Variants in SSBP2 observed in about 807,000 individuals in gnomAD.
SSBP2 encodes the protein single stranded DNA binding protein 2, also known as single-stranded DNA-binding protein 2.
In SSBP2, 17 loss-of-function variants were observed where a neutral mutation model predicts 61.8. The observed-to-expected ratio is 0.28, with a 90% CI of 0.19 to 0.41. The LOEUF (loss-of-function observed/expected upper bound fraction) is 0.41. SSBP2 is among the 10% of genes least tolerant of loss of function. The probability of loss-of-function intolerance (pLI) is 1.00; values close to 1 mark genes in which losing one functional copy is unlikely to be tolerated. For synonymous variants in SSBP2, 139 were observed against 141.3 expected (o/e 0.98, Z 0.12); for missense variants, 310 against 458.7 (o/e 0.68, Z 2.96).
intron 5 of SSBP2, among the ~76,000 whole-genome samples, chr5:81,509,653 CAT>C (rs1245458815): frequency 6.6e-6 from 1 of 152,008 alleles, no homozygotes; most frequent in Non-Finnish European, 1.5e-5. Flanking sequence ...TATAGGGAGA[CAT>C]ATTTAAATGT....
chr5:81,493,199 TA>T (rs1766993060), intron 5 of SSBP2, among the ~76,000 whole-genome samples: 2 of 151,654 alleles, frequency 1.3e-5, no homozygotes, highest in African/African-American at 2.4e-5. Context: ...CATATATATA[TA>T]TTCAAAAACA....
chr5:81,657,725 G>A (rs770344752), intron 1 of SSBP2, among the ~76,000 whole-genome samples: 18 of 152,106 alleles, frequency 1.2e-4, no homozygotes, highest in Admixed American at 5.2e-4. Context: ...AAACTTTGTG[G>A]CACTCTAAAC....
intron 1 of SSBP2, among the ~76,000 whole-genome samples, chr5:81,664,600 C>T (rs907937189): frequency 5.9e-5 from 9 of 152,136 alleles, no homozygotes; most frequent in African/African-American, 1.9e-4. Flanking sequence ...CCTTAGATAC[C>T]TATCTTAGCA....
At chr5:81,540,313 G>A (rs770580072) in intron 4 of SSBP2, among the ~76,000 whole-genome samples, 1 of 152,136 alleles carries the variant, frequency 6.6e-6, no homozygotes, top group African/African-American at 2.4e-5. Context: ...TTGAGGAATC[G>A]CCACACTGTC....
chr5:81,541,791 A>C (rs987693815), intron 4 of SSBP2, among the ~76,000 whole-genome samples: 1 of 152,250 alleles, frequency 6.6e-6, no homozygotes, highest in Admixed American at 6.5e-5. Context: ...TATAGGTTTC[A>C]ATGTAAAACC....
chr5:81,416,235 A>AT lies in SSBP2; in HGVS notation c.*4268dup, dbSNP rs1271242829. ...TCTCAAAAAAAAAAAAGAAAAAAAA[A>AT]TTTAAAAAAAAGGAAAACCAGTGTC... On this transcript the variant is annotated 3_prime_UTR_variant, in exon 17 of 17. Transcript: ENST00000320672. The AT allele has an allele frequency of 7.3e-5, 11 of 150,046 alleles. No homozygotes were observed. Among genetic ancestry groups the AT allele is most frequent in the Middle Eastern group, 3.4e-3 (1 of 290 alleles). The allele number at this position is 150,046 out of a possible 1,614,324, so 9.3% of individuals were successfully genotyped here.
At chr5:81,649,926 T>C (rs934223884) in intron 2 of SSBP2, among the ~76,000 whole-genome samples, 2 of 152,136 alleles carry the variant, frequency 1.3e-5, no homozygotes, top group African/African-American at 4.8e-5. Context: ...AATTATGATA[T>C]TGTTCGAGTG....
At chr5:81,517,367 C>A (rs1463556948) in intron 4 of SSBP2, among the ~76,000 whole-genome samples, 1 of 146,060 alleles carries the variant, frequency 6.8e-6, no homozygotes, top group African/African-American at 2.6e-5. Flanking sequence ...TCCTAAATTT[C>A]AAGTTTTTTT....
intron 1 of SSBP2, among the ~76,000 whole-genome samples, chr5:81,710,924 G>A (rs188607980): frequency 6.0e-4 from 92 of 152,098 alleles, no homozygotes; most frequent in African/African-American, 2.0e-3. Flanking sequence ...ATATAAATAC[G>A]TAATTATTTT....
chr5:81,639,557 G>A (rs188953633), intron 2 of SSBP2, among the ~76,000 whole-genome samples: 6 of 151,946 alleles, frequency 3.9e-5, no homozygotes, highest in East Asian at 3.9e-4. Context: ...CAGAGAAGGG[G>A]GATAGAAAGA....
At chr5:81,713,987 C>T (rs754818177) in intron 1 of SSBP2, among the ~76,000 whole-genome samples, 1 of 151,902 alleles carries the variant, frequency 6.6e-6, no homozygotes, top group Non-Finnish European at 1.5e-5. Context: ...ATGCACATGC[C>T]GTGGTGGTTT....
At chr5:81,519,068 GTAT>G (rs1769259877) in intron 4 of SSBP2, among the ~76,000 whole-genome samples, 1 of 151,984 alleles carries the variant, frequency 6.6e-6, no homozygotes, top group South Asian at 2.1e-4. Context: ...GTCCTTTGAT[GTAT>G]TATATTTTTC....
intron 1 of SSBP2, among the ~76,000 whole-genome samples, chr5:81,692,489 A>G (rs1753279915): frequency 6.6e-6 from 1 of 152,180 alleles, no homozygotes; most frequent in African/African-American, 2.4e-5. Flanking sequence ...ACATTTTTTC[A>G]CAGAAATAGA....
At chr5:81,492,533 A>G in intron 5 of SSBP2, among the ~76,000 whole-genome samples, 1 of 152,060 alleles carries the variant, frequency 6.6e-6, no homozygotes, top group East Asian at 1.9e-4. Context: ...AAACAGGCAG[A>G]AAAGAGTGTT....
At chr5:81,533,242 C>A (rs1021873468) in intron 4 of SSBP2, among the ~76,000 whole-genome samples, 3 of 151,720 alleles carry the variant, frequency 2.0e-5, no homozygotes, top group Admixed American at 6.6e-5. Flanking sequence ...CCTGAAAAAT[C>A]TCCAATCATT....
chr5:81,645,226 C>T (rs1749144940), intron 2 of SSBP2, among the ~76,000 whole-genome samples: 1 of 152,144 alleles, frequency 6.6e-6, no homozygotes, highest in African/African-American at 2.4e-5. Flanking sequence ...CTTTTACCTC[C>T]TATACTATAT....
At chr5:81,496,363 A>G (rs915924050) in intron 5 of SSBP2, among the ~76,000 whole-genome samples, 14 of 152,112 alleles carry the variant, frequency 9.2e-5, no homozygotes, top group Non-Finnish European at 1.9e-4. Flanking sequence ...TATTTTTAGT[A>G]GAGACAAGGT....
chr5:81,493,842 C>T (rs1388579039), intron 5 of SSBP2, among the ~76,000 whole-genome samples: 1 of 152,114 alleles, frequency 6.6e-6, no homozygotes, highest in Non-Finnish European at 1.5e-5. Context: ...AAGTGATTAT[C>T]CTGCCTTGAC....
At chr5:81,727,451 A>G (rs1281793324) in intron 1 of SSBP2, among the ~76,000 whole-genome samples, 2 of 152,148 alleles carry the variant, frequency 1.3e-5, no homozygotes, top group Non-Finnish European at 2.9e-5. Context: ...CAGGAGGCTG[A>G]GGCAGGAGAA....
Sources: gnomAD v4.1 joint callset for allele counts (sites outside exome capture counted in the v4.1 genomes callset) on GRCh38, gnomAD v4.1.1 for gene constraint, MANE v1.5 for transcripts, NCBI Gene and HGNC (gene_info 2026-07-23, HGNC 2026-07-21) for gene names.